The following SHISA9 variants were observed in gnomAD, a reference collection of about 807,000 sequenced individuals.
SHISA9 encodes protein shisa-9.
In SHISA9, 13 loss-of-function variants were observed where a neutral mutation model predicts 38.0. That is an observed-to-expected ratio of 0.34 (90% CI 0.22 to 0.54). The LOEUF is 0.54. Ranked by LOEUF, SHISA9 falls within the 20% of genes least tolerant of loss-of-function variation. The pLI is 0.91. For synonymous variants in SHISA9, 275 were observed against 242.0 expected, an observed-to-expected ratio of 1.14 and a Z score of -1.27; for missense variants, 538 against 575.8, an observed-to-expected ratio of 0.93 and a Z score of 0.67.
At chr16:13,402,198 C>A in the SHISA9 span, among the ~76,000 whole-genome samples, 1 of 152,242 alleles carries the variant, frequency 6.6e-6, no homozygotes, top group Non-Finnish European at 1.5e-5. Context: ...TTTGAGAAGT[C>A]CCACAACATG....
the SHISA9 span, among the ~76,000 whole-genome samples, chr16:13,545,179 T>C: frequency 1.3e-5 from 2 of 152,152 alleles, no homozygotes; most frequent in African/African-American, 4.8e-5. Flanking sequence ...AAAAGAAAGA[T>C]CCAAAGAAGC....
chr16:13,280,119 T>C, the SHISA9 span, among the ~76,000 whole-genome samples: 22 of 69,226 alleles, frequency 3.2e-4, no homozygotes, highest in Non-Finnish European at 5.1e-4. Flanking sequence ...CTCTTTCTCT[T>C]TTTTTTTTTT....
chr16:13,440,848 G>C, the SHISA9 span, among the ~76,000 whole-genome samples: 4 of 152,006 alleles, frequency 2.6e-5, no homozygotes, highest in African/African-American at 4.8e-5. Flanking sequence ...TTTGAACCCG[G>C]GAGGCAGAGA....
intron 2 of SHISA9, among the ~76,000 whole-genome samples, chr16:13,063,291 C>T (rs1000924567): frequency 3.9e-5 from 6 of 152,114 alleles, no homozygotes; most frequent in Admixed American, 1.3e-4. Flanking sequence ...CAGGTGTGAG[C>T]CACTGCACCT....
At chr16:13,045,658 A>T (rs1035369002) in intron 2 of SHISA9, among the ~76,000 whole-genome samples, 1 of 151,882 alleles carries the variant, frequency 6.6e-6, no homozygotes, top group African/African-American at 2.4e-5. Context: ...TAACAAAGAT[A>T]TAAACCAGAT....
the SHISA9 span, among the ~76,000 whole-genome samples, chr16:13,417,400 G>A: frequency 1.3e-5 from 2 of 152,106 alleles, no homozygotes; most frequent in Non-Finnish European, 2.9e-5. Context: ...AATAAGCAGA[G>A]ACTGAATCTG....
the SHISA9 span, among the ~76,000 whole-genome samples, chr16:13,469,393 GAA>G: frequency 4.4e-5 from 5 of 113,852 alleles, no homozygotes; most frequent in Middle Eastern, 4.4e-3. Flanking sequence ...AAGAAAGAAA[GAA>G]AGAAAGAAAG....
intron 2 of SHISA9, among the ~76,000 whole-genome samples, chr16:13,141,732 C>G (rs1272663804): frequency 2.0e-5 from 3 of 152,048 alleles, no homozygotes; most frequent in African/African-American, 7.2e-5. Flanking sequence ...AGAAAACTTG[C>G]AAAGGTGATA....
the SHISA9 span, among the ~76,000 whole-genome samples, chr16:13,487,591 G>C: frequency 6.6e-6 from 1 of 152,194 alleles, no homozygotes; most frequent in Non-Finnish European, 1.5e-5. Context: ...GCTGCCACCA[G>C]ACCCCACCTC....
Position 13,012,848 on chromosome 16 carries a change from C to T in SHISA9, c.691+96033C>T, listed in dbSNP as rs550453356. Among the ~76,000 whole-genome samples, 203 of 152,258 alleles carry T rather than the reference C, an allele frequency of 1.3e-3. 1 individual carries two copies. Among genetic ancestry groups the T allele is most frequent in the African/African-American group, 4.7e-3 (195 of 41,560 alleles). On this transcript the variant is annotated intron_variant, in intron 2 of 4. Transcript: ENST00000558583. Reference sequence around the variant, plus strand: ...GTCCTGTGTCTCCAACAGTCAGCCACGGCCAGACAGGGAGGAGAGACAACT... The same window carrying T: ...GTCCTGTGTCTCCAACAGTCAGCCATGGCCAGACAGGGAGGAGAGACAACT...
intron 2 of SHISA9, among the ~76,000 whole-genome samples, chr16:13,181,310 TATAC>T (rs1178635064): frequency 0.024 from 778 of 32,658 alleles, no homozygotes; most frequent in African/African-American, 0.042. Flanking sequence ...TATATATATA[TATAC>T]ACACACACAC....
chr16:13,037,678 C>G (rs573107835), intron 2 of SHISA9, among the ~76,000 whole-genome samples: 1 of 152,146 alleles, frequency 6.6e-6, no homozygotes, highest in Non-Finnish European at 1.5e-5. Flanking sequence ...CCTTTCTTTC[C>G]TGGAATAAGC....
At chr16:13,453,163 C>T in the SHISA9 span, among the ~76,000 whole-genome samples, 1 of 152,248 alleles carries the variant, frequency 6.6e-6, no homozygotes, top group East Asian at 1.9e-4. Flanking sequence ...GCTGGGATTA[C>T]AGGTGTGAGC....
At chr16:13,527,257 C>T in the SHISA9 span, among the ~76,000 whole-genome samples, 1 of 152,132 alleles carries the variant, frequency 6.6e-6, no homozygotes, top group East Asian at 1.9e-4. Flanking sequence ...CCAGCACAAC[C>T]ACAACTTCTG....
chr16:12,962,960 G>A (rs952917097), intron 2 of SHISA9, among the ~76,000 whole-genome samples: 7 of 152,120 alleles, frequency 4.6e-5, no homozygotes, highest in Non-Finnish European at 7.4e-5. Flanking sequence ...GGGTGCTCAG[G>A]AAATACAGGG....
At chr16:13,465,851 A>T in the SHISA9 span, among the ~76,000 whole-genome samples, 1 of 152,242 alleles carries the variant, frequency 6.6e-6, no homozygotes, top group Non-Finnish European at 1.5e-5. Flanking sequence ...GCCTGTTTTG[A>T]CAAGTAGTTT....
intron 3 of SHISA9, among the ~76,000 whole-genome samples, chr16:13,213,043 G>T (rs1247304312): frequency 6.6e-6 from 1 of 152,234 alleles, no homozygotes; most frequent in Non-Finnish European, 1.5e-5. Flanking sequence ...GGGTGTTAAC[G>T]TGAGGCTGCT....
chr16:13,226,764 A>G (rs1056670265), intron 4 of SHISA9, among the ~76,000 whole-genome samples: 5 of 152,192 alleles, frequency 3.3e-5, no homozygotes, highest in African/African-American at 9.7e-5. Context: ...AACATACTGC[A>G]GTTAGCAGTT....
chr16:13,230,004 T>A (rs2051316188), intron 4 of SHISA9, among the ~76,000 whole-genome samples: 1 of 152,194 alleles, frequency 6.6e-6, no homozygotes, highest in South Asian at 2.1e-4. Flanking sequence ...TTATGTAATT[T>A]GGGGGATTAT....
Sources: gnomAD v4.1 joint callset for allele counts (sites outside exome capture counted in the v4.1 genomes callset) on GRCh38, gnomAD v4.1.1 for gene constraint, MANE v1.5 for transcripts, NCBI Gene and HGNC (gene_info 2026-07-23, HGNC 2026-07-21) for gene names.